The following CLVS2 variants were observed in gnomAD, a reference collection of about 807,000 sequenced individuals.
The protein encoded by CLVS2 is clavesin-2.
Under a neutral mutation model 29.0 loss-of-function variants are expected in CLVS2, and 19 were observed. The observed-to-expected ratio is 0.66, with a 90% CI of 0.46 to 0.96. The LOEUF is 0.96. CLVS2 is among the 40% of genes least tolerant of loss of function. CLVS2 has a pLI of 0.00. For missense variants in CLVS2, 294 were observed against 404.1 expected (o/e 0.73, Z 2.34); for synonymous variants, 161 against 151.3 (o/e 1.06, Z -0.47).
At chr6:123,027,360 A>G (rs559288208) in intron 3 of CLVS2, among the ~76,000 whole-genome samples, 61 of 152,314 alleles carry the variant, frequency 4.0e-4, no homozygotes, top group African/African-American at 1.5e-3. Context: ...AAGTTTAGAG[A>G]CTTTCGTAGC....
In CLVS2 at chr6:123,071,526, A is replaced by T. The variant is rs1772949155; in HGVS notation, c.*7765A>T. 1 of 152,066 alleles carries T rather than the reference A, an allele frequency of 6.6e-6. No homozygotes were observed. The highest frequency in any genetic ancestry group is 1.5e-5 in the Non-Finnish European group (1 of 67,940). The allele number at this position is 152,066 out of a possible 1,614,324, so 9.4% of individuals were successfully genotyped here. ...GAAAAGTCATTTTGAGATTAAAACT[A>T]CATGGAATTGTTCTTTATGGATTAT... On this transcript the variant is annotated 3_prime_UTR_variant, in exon 6 of 6. Transcript: ENST00000275162.
chr6:123,011,513 C>T (rs1774747001), intron 3 of CLVS2, among the ~76,000 whole-genome samples: 1 of 151,854 alleles, frequency 6.6e-6, no homozygotes. Flanking sequence ...ATATTTTCTT[C>T]ATTATTTCAT....
chr6:123,054,084 T>A (rs1772655742), intron 4 of CLVS2, among the ~76,000 whole-genome samples: 2 of 152,090 alleles, frequency 1.3e-5, no homozygotes, highest in South Asian at 2.1e-4. Context: ...GGAAGTAGCG[T>A]GCTAGGATTA....
intron 3 of CLVS2, among the ~76,000 whole-genome samples, chr6:123,046,288 T>C (rs1251640703): frequency 6.6e-6 from 1 of 152,186 alleles, no homozygotes; most frequent in East Asian, 1.9e-4. Flanking sequence ...GTGCAAGTTA[T>C]GTGTATATGT....
intron 3 of CLVS2, among the ~76,000 whole-genome samples, chr6:123,028,141 G>A (rs1775029543): frequency 6.6e-6 from 1 of 152,150 alleles, no homozygotes; most frequent in African/African-American, 2.4e-5. Context: ...GAAAAACTGA[G>A]TATTAAAATA....
chr6:123,063,432 T>G (rs1007786766), intron 5 of CLVS2, among the ~76,000 whole-genome samples: 6 of 152,136 alleles, frequency 3.9e-5, no homozygotes, highest in Non-Finnish European at 8.8e-5. Flanking sequence ...ATTGTCTATT[T>G]AGAATCATTG....
intron 3 of CLVS2, among the ~76,000 whole-genome samples, chr6:123,016,021 CTTTT>C (rs58103603): frequency 0.013 from 662 of 50,794 alleles, 1 homozygote; most frequent in Non-Finnish European, 0.017. Context: ...CAACATCAGA[CTTTT>C]TTTTTTTTTT....
chr6:123,048,540 T>G, intron 3 of CLVS2, 82 bp from the exon 4 acceptor site: 2 of 887,874 alleles, frequency 2.3e-6, no homozygotes, highest in Non-Finnish European at 3.7e-6. Context: ...AAAGAATAAA[T>G]TTGTATACCA....
chr6:123,009,418 C>T (rs1000872462), intron 2 of CLVS2, among the ~76,000 whole-genome samples: 1 of 152,062 alleles, frequency 6.6e-6, no homozygotes, highest in African/African-American at 2.4e-5. Flanking sequence ...GAAATGAGGT[C>T]CTGAAATGGT....
chr6:123,033,627 C>T (rs773951872), intron 3 of CLVS2, among the ~76,000 whole-genome samples: 11 of 151,806 alleles, frequency 7.2e-5, no homozygotes, highest in South Asian at 6.2e-4. Flanking sequence ...AAAAAATAGG[C>T]GACAATCTTT....
At chr6:123,062,327 T>C (rs1772790972) in intron 5 of CLVS2, among the ~76,000 whole-genome samples, 1 of 152,138 alleles carries the variant, frequency 6.6e-6, no homozygotes, top group Non-Finnish European at 1.5e-5. Context: ...TTATGTATTA[T>C]TGCATTTAAA....
chr6:123,047,356 C>T (rs1359486819), intron 3 of CLVS2, among the ~76,000 whole-genome samples: 1 of 151,936 alleles, frequency 6.6e-6, no homozygotes, highest in Non-Finnish European at 1.5e-5. Context: ...CACATATTTA[C>T]AAAAGAAGTA....
intron 4 of CLVS2, among the ~76,000 whole-genome samples, chr6:123,055,040 A>G (rs1772672855): frequency 1.3e-5 from 2 of 152,186 alleles, no homozygotes; most frequent in South Asian, 2.1e-4. Context: ...ACTGGATTCC[A>G]TTTAGGAAAA....
intron 5 of CLVS2, 113 bp downstream of exon 5, chr6:123,056,139 A>T: frequency 1.5e-6 from 1 of 680,106 alleles, no homozygotes; most frequent in South Asian, 1.8e-5. Flanking sequence ...GGATTTTAAA[A>T]CTCTTTATGC....
chr6:123,058,475 T>C (rs1285275119), intron 5 of CLVS2, among the ~76,000 whole-genome samples: 1 of 152,158 alleles, frequency 6.6e-6, no homozygotes, highest in Non-Finnish European at 1.5e-5. Context: ...TCTCTGTATC[T>C]TCTACACATC....
At chr6:123,014,522 C>A (rs564046544) in intron 3 of CLVS2, among the ~76,000 whole-genome samples, 19 of 152,118 alleles carry the variant, frequency 1.2e-4, no homozygotes, top group African/African-American at 4.1e-4. Context: ...TGGATGGCAA[C>A]CCTGCCATGC....
intron 2 of CLVS2, among the ~76,000 whole-genome samples, chr6:123,001,654 A>G (rs1054159826): frequency 6.6e-6 from 1 of 152,214 alleles, no homozygotes; most frequent in Non-Finnish European, 1.5e-5. Flanking sequence ...TGTATTGCAT[A>G]TTGTTTTCCT....
Position 123,065,331 on chromosome 6 carries a change from A to G in CLVS2, c.*1570A>G, listed in dbSNP as rs1306590206. The G allele has an allele frequency of 1.3e-5, 2 of 151,892 alleles. No homozygotes were observed. The highest frequency in any genetic ancestry group is 2.9e-5 in the Non-Finnish European group (2 of 67,832). The allele number at this position is 151,892 out of a possible 1,614,324, so 9.4% of individuals were successfully genotyped here. On this transcript the variant is annotated 3_prime_UTR_variant, in exon 6 of 6. Coordinates refer to ENST00000275162, the MANE Select transcript of CLVS2 (RefSeq NM_001010852.4). Reference sequence around the variant, plus strand: ...ATCTCAGAAACTCTTGGAAACCAACAAAAATAAAGGCATGTGTCAGCCTTC... The same window carrying G: ...ATCTCAGAAACTCTTGGAAACCAACGAAAATAAAGGCATGTGTCAGCCTTC...
chr6:123,049,538 A>C (rs1772571245), intron 4 of CLVS2, among the ~76,000 whole-genome samples: 1 of 152,192 alleles, frequency 6.6e-6, no homozygotes, highest in Non-Finnish European at 1.5e-5. Flanking sequence ...TACACAGAAG[A>C]AAAGTTGCAG....
Sources: gnomAD v4.1 joint callset for allele counts (sites outside exome capture counted in the v4.1 genomes callset) on GRCh38, gnomAD v4.1.1 for gene constraint, MANE v1.5 for transcripts, NCBI Gene and HGNC (gene_info 2026-07-23, HGNC 2026-07-21) for gene names.